Variants in STARD8 observed in about 807,000 individuals in gnomAD.
The protein encoded by STARD8 is StAR related lipid transfer domain containing 8.
A neutral mutation model predicts 69.4 loss-of-function variants in STARD8; 25 were observed. That is an observed-to-expected ratio of 0.36 (90% confidence interval 0.26 to 0.50). The LOEUF (loss-of-function observed/expected upper bound fraction) is 0.50, where lower values mean the gene tolerates loss of function less well. STARD8 is among the 20% of genes least tolerant of loss of function. The pLI, the probability that STARD8 is intolerant of heterozygous loss-of-function variation, is 0.96. For missense variants in STARD8, 921 were observed against 932.5 expected, an observed-to-expected ratio of 0.99 and a Z score of 0.16; for synonymous variants, 389 against 374.6, an observed-to-expected ratio of 1.04 and a Z score of -0.45.
intron 2 of STARD8, among the ~76,000 whole-genome samples, chrX:68,703,540 C>T (rs1254899902): frequency 8.9e-6 from 1 of 112,519 alleles, no homozygotes; most frequent in Non-Finnish European, 1.9e-5. Context: ...GGGGTCGTGT[C>T]TGCTCCCTTC....
At chrX:68,648,004 T>C in intron 1 of STARD8, 77 bp downstream of exon 1, 3 of 1,118,084 alleles carry the variant, frequency 2.7e-6, no homozygotes, top group Non-Finnish European at 3.6e-6. Context: ...GCGCACCAGC[T>C]GGGAAAACGG....
chrX:68,725,319 G>C lies in STARD8; in HGVS notation c.*897G>C, dbSNP rs1308773507. On this transcript the variant is annotated 3_prime_UTR_variant, in exon 15 of 15. Transcript: ENST00000374599. ...CATAACAGCCCCTTTCTCAAGCAGA[G>C]ACCTGGCCCCTGGGCCAGCCAGATG... The C allele has an allele frequency of 1.8e-5, 2 of 109,542 alleles. No homozygotes were observed. Among genetic ancestry groups the C allele is most frequent in the African/African-American group, 3.3e-5 (1 of 29,981 alleles). 9.0% of individuals were successfully genotyped at this position (109,542 alleles called of 1,213,427 possible). A position where few individuals can be genotyped will look rare whatever the true frequency, so the allele number is the denominator to read the frequency against.
At chrX:68,674,089 T>A (rs2079747815) in intron 2 of STARD8, among the ~76,000 whole-genome samples, 1 of 110,230 alleles carries the variant, frequency 9.1e-6, no homozygotes, top group Admixed American at 9.6e-5. Context: ...AAGTCAGGAG[T>A]TCGAGACCAG....
intron 2 of STARD8, among the ~76,000 whole-genome samples, chrX:68,673,330 A>C (rs1196202280): frequency 1.2e-4 from 13 of 112,401 alleles, no homozygotes; most frequent in Admixed American, 1.0e-3. Flanking sequence ...CTTGCCAAGT[A>C]CATGCTTTTT....
At chrX:68,703,893 G>T (rs2050979) in intron 2 of STARD8, among the ~76,000 whole-genome samples, 33,935 of 110,571 alleles carry the variant, frequency 0.31, 5,902 homozygotes, top group African/African-American at 0.67. Context: ...TTTTCTGTTC[G>T]CACATCTCTG....
intron 1 of STARD8, among the ~76,000 whole-genome samples, chrX:68,661,878 T>TCC (rs1214451255): frequency 5.3e-4 from 34 of 64,161 alleles, no homozygotes; most frequent in African/African-American, 2.7e-3. Context: ...CTTTCTTTCT[T>TCC]TTCCTTCCTT....
At chrX:68,650,502 AG>A (rs1440000345) in intron 1 of STARD8, among the ~76,000 whole-genome samples, 1 of 100,160 alleles carries the variant, frequency 1.0e-5, no homozygotes, top group African/African-American at 3.7e-5. Context: ...GAGGAGGAGG[AG>A]GAGGAGGAGG....
At chrX:68,719,556 G>T (rs1018800859) in intron 7 of STARD8, among the ~76,000 whole-genome samples, 158 bp downstream of exon 7, 5 of 112,919 alleles carry the variant, frequency 4.4e-5, no homozygotes, top group Non-Finnish European at 9.4e-5. Flanking sequence ...GTGAGGCTGG[G>T]TATGGGGCAG....
At chrX:68,723,456 A>G (rs1442759881) in intron 12 of STARD8, among the ~76,000 whole-genome samples, 170 bp from the exon 13 acceptor site, 1 of 112,276 alleles carries the variant, frequency 8.9e-6, no homozygotes, top group East Asian at 2.9e-4. Flanking sequence ...AGAGAGAGAG[A>G]GGGCAGGGAG....
At chrX:68,720,901 C>T (rs763696170) in intron 8 of STARD8, 23 bp from the exon 9 acceptor site, 10 of 1,192,926 alleles carry the variant, frequency 8.4e-6, no homozygotes, top group Non-Finnish European at 1.0e-5. Context: ...TTCCTCACTC[C>T]CTCCCTCCCC....
chrX:68,701,228 G>A (rs775416348), intron 2 of STARD8, among the ~76,000 whole-genome samples: 1 of 112,639 alleles, frequency 8.9e-6, no homozygotes, highest in Non-Finnish European at 1.9e-5. Flanking sequence ...CTAAATTCTT[G>A]GCAAATTTTA....
At chrX:68,706,683 G>A (rs1044525334) in intron 2 of STARD8, among the ~76,000 whole-genome samples, 27 of 112,762 alleles carry the variant, frequency 2.4e-4, no homozygotes, top group African/African-American at 8.7e-4. Flanking sequence ...CTCAAGCCTT[G>A]GTGGGCAAGC....
chrX:68,715,552 C>T (rs780919605), intron 4 of STARD8, among the ~76,000 whole-genome samples, 177 bp downstream of exon 4: 4 of 112,664 alleles, frequency 3.6e-5, no homozygotes, highest in East Asian at 5.6e-4. Flanking sequence ...CTCAACCACC[C>T]AGTCACTCTA....
chrX:68,707,175 C>T lies in STARD8; in HGVS notation c.80-5739C>T, dbSNP rs143869494. Among the ~76,000 whole-genome samples the T allele has an allele frequency of 6.4e-3, 722 of 112,734 alleles. 4 individuals are homozygous for T. The highest frequency in any genetic ancestry group is 0.01 in the Non-Finnish European group (545 of 53,288). On this transcript the variant is annotated intron_variant, in intron 2 of 14. Transcript: ENST00000374599. ...GGCCCCCATCCTCTGGCGAGGGCCA[C>T]GGAGGAGATGCTTTTCCAAATAGGA...
At chrX:68,690,335 G>A (rs1255659122) in intron 2 of STARD8, among the ~76,000 whole-genome samples, 1 of 110,385 alleles carries the variant, frequency 9.1e-6, no homozygotes, top group Non-Finnish European at 1.9e-5. Flanking sequence ...TAGTAGAAGA[G>A]TCTATCTGGT....
intron 1 of STARD8, among the ~76,000 whole-genome samples, chrX:68,661,619 C>T (rs1220092865): frequency 9.0e-6 from 1 of 111,143 alleles, no homozygotes. Flanking sequence ...GGAAGATTTC[C>T]CCCCGTATAC....
intron 1 of STARD8, among the ~76,000 whole-genome samples, chrX:68,655,902 C>T (rs1164390470): frequency 8.9e-6 from 1 of 111,734 alleles, no homozygotes; most frequent in East Asian, 2.8e-4. Context: ...GTAGATGCTC[C>T]ATTGAATCTG....
intron 2 of STARD8, among the ~76,000 whole-genome samples, chrX:68,685,440 C>T (rs2079825606): frequency 8.9e-6 from 1 of 111,863 alleles, no homozygotes; most frequent in African/African-American, 3.3e-5. Flanking sequence ...TAACCAGGAC[C>T]CCCCACCATC....
chrX:68,693,914 C>A, intron 2 of STARD8: 1 of 647,787 alleles, frequency 1.5e-6, no homozygotes, highest in Non-Finnish European at 1.8e-6. Context: ...CTGGCGCGCT[C>A]CGGCTCGGCC....
Sources: allele counts gnomAD v4.1 joint callset (sites outside exome capture counted in the v4.1 genomes callset), GRCh38; gene constraint gnomAD v4.1.1; transcripts MANE v1.5; gene names NCBI Gene and HGNC (gene_info 2026-07-23, HGNC 2026-07-21).